Variants in EFHB observed in about 807,000 individuals in gnomAD.
EFHB encodes EF-hand domain family member B.
In EFHB, 91 loss-of-function variants were observed where a neutral mutation model predicts 87.2. That is an observed-to-expected ratio of 1.04 (90% CI 0.88 to 1.24). The LOEUF (loss-of-function observed/expected upper bound fraction) is 1.24. Ranked by LOEUF, EFHB falls within the 50% of genes most tolerant of loss-of-function variation. The probability of loss-of-function intolerance (pLI) is 0.00; values close to 1 mark genes in which losing one functional copy is unlikely to be tolerated. For missense variants in EFHB, 1,084 were observed against 998.8 expected, an observed-to-expected ratio of 1.09 and a Z score of -1.15; for synonymous variants, 325 against 333.6, an observed-to-expected ratio of 0.97 and a Z score of 0.28.
At position 19,919,492 on chromosome 3, in the gene EFHB, C is replaced by A. The variant is rs1415330296; in HGVS notation, c.996+341G>T. On this transcript the variant is annotated intron_variant, in intron 3 of 12. Transcript: ENST00000295824. ...AAAGTGCTGGGATTACAGGCATGAG[C>A]CACCATGCCCTGCCAAAACAGTCCT... 5.3e-5 allele frequency among the ~76,000 whole-genome samples: 8 copies of A among 152,260 alleles called. No individual in the cohort carries two copies. The East Asian group carries it at 1.5e-3, about 29-fold the overall frequency.
At chr3:19,939,959 T>G (rs1696118658) in intron 1 of EFHB, among the ~76,000 whole-genome samples, 1 of 152,182 alleles carries the variant, frequency 6.6e-6, no homozygotes, top group Non-Finnish European at 1.5e-5. Context: ...CTACAGGAGT[T>G]TAAGGCCCAC....
intron 6 of EFHB, among the ~76,000 whole-genome samples, chr3:19,900,263 T>C (rs1694627114): frequency 6.7e-6 from 1 of 150,276 alleles, no homozygotes; most frequent in Non-Finnish European, 1.5e-5. Context: ...AAAATGAAAA[T>C]AAAAATAAAA....
intron 12 of EFHB, among the ~76,000 whole-genome samples, chr3:19,880,618 CTA>C (rs1212337912): frequency 6.6e-6 from 1 of 152,116 alleles, no homozygotes; most frequent in Middle Eastern, 3.2e-3. Flanking sequence ...GGAACTTTAA[CTA>C]TGTGTGCAAA....
In EFHB at chr3:19,918,294, G is replaced by T; in HGVS notation, c.1115C>A (p.Ala372Glu). ...GTCCATGCCTTTTGGTAATCCTGGT[G>T]CTTGATCGTGAGATTTTCCTAATGG... is the stretch of plus-strand genomic sequence containing the variant. Reference protein sequence around the residue: ...RAPLGKSHDQAPGLPKGMDTT... With the variant: ...RAPLGKSHDQEPGLPKGMDTT... The change falls in exon 4 of 13, where the codon GCA (alanine) becomes GAA (glutamate). Residue 372 changes from alanine to glutamate, a missense_variant. Physicochemically the swap from Ala to Glu is moderately radical, Grantham distance 107 (BLOSUM62 -1). Coordinates refer to ENST00000295824, the MANE Select transcript of EFHB (RefSeq NM_144715.4). 6.2e-7 allele frequency: 1 copy of T among 1,613,334 alleles called. No individual in the cohort carries two copies. Among genetic ancestry groups the T allele is most frequent in the African/African-American group, 1.3e-5 (1 of 74,894 alleles).
In EFHB at chr3:19,933,614, T is replaced by TC. The variant is rs1695910915; in HGVS notation, c.404dup (p.Ser136LysfsTer14). On this transcript the variant is annotated frameshift_variant, in exon 1 of 13. Coordinates refer to ENST00000295824, the MANE Select transcript of EFHB (RefSeq NM_144715.4). LOFTEE classifies it high-confidence loss of function. ...TCCTGCTCCCTGCAGCCTGTGAACT[T>TC]CCACACACCCTGCCCAAAGGAGGCT... 1.2e-6 allele frequency: 2 copies of TC among 1,613,992 alleles called. No homozygotes were observed. The highest frequency in any genetic ancestry group is 8.5e-7 in the Non-Finnish European group (1 of 1,179,886).
intron 1 of EFHB, chr3:19,946,773 C>T (rs531277922): frequency 6.6e-6 from 1 of 152,300 alleles, no homozygotes; most frequent in East Asian, 1.9e-4. Flanking sequence ...AAGGGCTGGG[C>T]ACAAAAAACA....
intron 9 of EFHB, among the ~76,000 whole-genome samples, chr3:19,894,096 G>A (rs1392789954): frequency 2.0e-5 from 3 of 152,092 alleles, no homozygotes; most frequent in Non-Finnish European, 4.4e-5. Flanking sequence ...TGATAGCTAG[G>A]AGCAAAAATC....
intron 8 of EFHB, among the ~76,000 whole-genome samples, chr3:19,897,146 TG>T: frequency 6.6e-6 from 1 of 152,370 alleles, no homozygotes; most frequent in Admixed American, 6.5e-5. Flanking sequence ...GTGAAGTTCT[TG>T]CTTGACTACC....
upstream of EFHB, chr3:19,936,337 G>GAAA (rs71055080): frequency 0.23 from 98,998 of 438,602 alleles, 4,734 homozygotes; most frequent in Non-Finnish European, 0.25. Context: ...GCGACAGACT[G>GAAA]AAAAAAAAAA....
chr3:19,901,051 A>G (rs1268649901), intron 6 of EFHB, among the ~76,000 whole-genome samples: 2 of 152,240 alleles, frequency 1.3e-5, no homozygotes, highest in Non-Finnish European at 2.9e-5. Flanking sequence ...CTGTCACATC[A>G]ATAAGAATAC....
chr3:19,901,377 T>A, intron 6 of EFHB, among the ~76,000 whole-genome samples: 1 of 152,316 alleles, frequency 6.6e-6, no homozygotes, highest in East Asian at 1.9e-4. Context: ...AATTAATAAA[T>A]TCTCTATTGT....
intron 5 of EFHB, among the ~76,000 whole-genome samples, chr3:19,907,270 AT>A (rs1207288531): frequency 3.3e-5 from 5 of 152,214 alleles, no homozygotes; most frequent in Non-Finnish European, 7.3e-5. Context: ...TGGGAAAAAA[AT>A]ATTTGCAAAC....
At chr3:19,897,501 T>A (rs138475419) in intron 8 of EFHB, among the ~76,000 whole-genome samples, 2 of 152,106 alleles carry the variant, frequency 1.3e-5, no homozygotes, top group Admixed American at 1.3e-4. Context: ...CCTCTCTTCA[T>A]TTTCCCTGGC....
intron 5 of EFHB, among the ~76,000 whole-genome samples, chr3:19,908,901 T>TTTAATGATTAA (rs1292271571): frequency 6.6e-6 from 1 of 152,080 alleles, no homozygotes; most frequent in Admixed American, 6.6e-5. Context: ...ATCCCATTTA[T>TTTAATGATTAA]TTAATGATTA....
Position 19,933,475 on chromosome 3 carries a change from G to T in EFHB, c.544C>A (p.Pro182Thr). 6.2e-7 allele frequency: 1 copy of T among 1,613,932 alleles called. No individual in the cohort carries two copies. The highest frequency in any genetic ancestry group is 8.5e-7 in the Non-Finnish European group (1 of 1,179,882). ...EKESTCVLMKPNTEIKLPVEV... is the reference protein window; with the variant it reads ...EKESTCVLMKTNTEIKLPVEV... ...ACAGGAAGCTTAATCTCTGTGTTGG[G>T]TTTCATTAAAACACAGGTAGACTCT... is the stretch of plus-strand genomic sequence containing the variant. Residue 182 changes from proline (P) to threonine (T), a missense_variant, in exon 1 of 13, where the codon CCC (proline) becomes ACC (threonine). Physicochemically the swap from Pro to Thr is conservative, Grantham distance 38. Coordinates refer to ENST00000295824, the MANE Select transcript of EFHB (RefSeq NM_144715.4).
At chr3:19,934,308 T>C, upstream of EFHB, 3 of 1,230,388 alleles carry the variant, frequency 2.4e-6, no homozygotes, top group East Asian at 3.3e-5. Flanking sequence ...CTTCTCTCTC[T>C]CTCTCTCAAT....
intron 1 of EFHB, chr3:19,946,875 A>C (rs901999034): frequency 1.3e-5 from 2 of 152,348 alleles, no homozygotes; most frequent in Non-Finnish European, 2.9e-5. Context: ...GAGACCCCCC[A>C]GCCTAAATAA....
upstream of EFHB, among the ~76,000 whole-genome samples, chr3:19,939,143 G>T (rs1273621826): frequency 6.7e-6 from 1 of 150,186 alleles, no homozygotes; most frequent in African/African-American, 2.5e-5. Flanking sequence ...CTGACCTCAG[G>T]TGATCCACCT....
chr3:19,893,781 G>A (rs1296280508), intron 9 of EFHB, among the ~76,000 whole-genome samples: 4 of 152,154 alleles, frequency 2.6e-5, no homozygotes, highest in African/African-American at 2.4e-5. Flanking sequence ...TCCACAAGGT[G>A]AGCAAATACC....
Sources: gnomAD v4.1 joint callset for allele counts (sites outside exome capture counted in the v4.1 genomes callset) on GRCh38, gnomAD v4.1.1 for gene constraint, MANE v1.5 for transcripts, NCBI Gene and HGNC (gene_info 2026-07-23, HGNC 2026-07-21) for gene names.